The following ZNF514 variants were observed in gnomAD, a reference collection of about 807,000 sequenced individuals.
ZNF514 encodes zinc finger protein 514.
In ZNF514, 12 loss-of-function variants were observed where a neutral mutation model predicts 9.7. The ratio of observed to expected loss-of-function variants is 1.24; its 90% CI spans 0.79 to 2.01. The LOEUF is 2.01. Among genes scored for constraint, ZNF514 ranks in the 30% most tolerant of loss-of-function variants. The pLI, the probability that ZNF514 is intolerant of heterozygous loss-of-function variation, is 0.00. For missense variants in ZNF514, 467 were observed against 465.5 expected (o/e 1.00, Z -0.03); for synonymous variants, 158 against 163.7 (o/e 0.97, Z 0.27).
At chr2:95,129,201 A>G in the ZNF514 span, among the ~76,000 whole-genome samples, 1 of 152,254 alleles carries the variant, frequency 6.6e-6, no homozygotes, top group Admixed American at 6.5e-5. Context: ...CAGTGAAATA[A>G]GCATAATTGG....
At position 95,159,735 on chromosome 2, in the gene ZNF514, GTCCGCCCCGCGCCAGCCCCGCC is replaced by G. The variant is rs1673810742; in HGVS notation, c.-613_-592del. On this transcript the variant is annotated 5_prime_UTR_variant, in exon 1 of 5. Transcript: ENST00000295208. The stretch of plus-strand genomic sequence containing the variant: ...GCGTCCGCCCCGCGCCAGCCCCCGC[GTCCGCCCCGCGCCAGCCCCGCC>G]TCCCGAGGCCGTCCCGAGCTTGCGC... 9 of 119,154 alleles carry G rather than the reference GTCCGCCCCGCGCCAGCCCCGCC, an allele frequency of 7.6e-5. No individual in the cohort carries two copies. Among genetic ancestry groups the G allele is most frequent in the South Asian group, 2.5e-4 (1 of 4,022 alleles). 7.4% of individuals were successfully genotyped at this position (119,154 alleles called of 1,614,324 possible). A position where few individuals can be genotyped will look rare whatever the true frequency, so the allele number is the denominator to read the frequency against.
At chr2:95,136,988 G>A in the ZNF514 span, among the ~76,000 whole-genome samples, 2 of 152,112 alleles carry the variant, frequency 1.3e-5, no homozygotes, top group African/African-American at 4.8e-5. Flanking sequence ...AAAACAAAGA[G>A]TGTTTCCTAA....
At chr2:95,125,297 G>A in the ZNF514 span, among the ~76,000 whole-genome samples, 6 of 147,914 alleles carry the variant, frequency 4.1e-5, no homozygotes, top group Admixed American at 6.8e-5. Context: ...CTGGAGTATA[G>A]TGGCATGATC....
downstream of ZNF514, among the ~76,000 whole-genome samples, chr2:95,141,734 A>G (rs530882097): frequency 2.0e-5 from 3 of 152,360 alleles, no homozygotes; most frequent in East Asian, 3.9e-4. Context: ...TACAGCAGTG[A>G]AACTCCAGGG....
Position 95,146,616 on chromosome 2 carries a change from C to T in ZNF514, c.*2666G>A, listed in dbSNP as rs1039918981. Among the ~76,000 whole-genome samples the T allele has an allele frequency of 6.7e-6, 1 of 149,476 alleles. No individual in the cohort carries two copies. Among genetic ancestry groups the T allele is most frequent in the Non-Finnish European group, 1.5e-5 (1 of 67,572 alleles). Reference sequence around the variant, plus strand: ...TAAAGAGGGCATTATATACCACACACGGGGGGTGAGGATTTATCTTGTAGG... The same window carrying T: ...TAAAGAGGGCATTATATACCACACATGGGGGGTGAGGATTTATCTTGTAGG... On this transcript the variant is annotated 3_prime_UTR_variant, in exon 5 of 5. Coordinates refer to ENST00000295208, the MANE Select transcript of ZNF514 (RefSeq NM_032788.3).
chr2:95,143,392 G>A (rs555973907), downstream of ZNF514, among the ~76,000 whole-genome samples: 135 of 152,230 alleles, frequency 8.9e-4, no homozygotes, highest in Middle Eastern at 6.8e-3. Flanking sequence ...AGGCCGAGGC[G>A]GGTGAATCAC....
In ZNF514 at chr2:95,149,710, G is replaced by T. The variant is rs1194701351; in HGVS notation, c.775C>A (p.Pro259Thr). Residue 259 changes from proline (P) to threonine (T), a missense_variant, in exon 5 of 5, where the codon CCC becomes ACC. Coordinates refer to ENST00000295208, the MANE Select transcript of ZNF514 (RefSeq NM_032788.3). Reference sequence around the variant, plus strand: ...CTCCCACATTCACTGCATTCATAGGGCTTTTCTCCAGTATGAGTTCTTTGA... The same window carrying T: ...CTCCCACATTCACTGCATTCATAGGTCTTTTCTCCAGTATGAGTTCTTTGA... ...KHQRTHTGEKPYECSECGRAF... is the reference protein window; with the variant it reads ...KHQRTHTGEKTYECSECGRAF... 2 of 1,614,222 alleles carry T rather than the reference G, an allele frequency of 1.2e-6. No homozygotes were observed. The highest frequency in any genetic ancestry group is 4.5e-5 in the East Asian group (2 of 44,888).
chr2:95,153,214 C>T lies in ZNF514; in HGVS notation c.40G>A (p.Glu14Lys), dbSNP rs1673592003. Reference protein sequence around the residue: ...EDVAVEFSQWEWGQLNPAQKD... With the variant: ...EDVAVEFSQWKWGQLNPAQKD... The stretch of plus-strand genomic sequence containing the variant: ...TGAGCAGGGTTCAGCTGCCCCCACT[C>T]CCACTGGCTGAATTCCACAGCCACA... Residue 14 changes from glutamate (E) to lysine (K), a missense_variant, in exon 3 of 5, where the codon GAG becomes AAG. Glu to Lys is a moderately conservative substitution (Grantham distance 56, BLOSUM62 1). Coordinates refer to ENST00000295208, the MANE Select transcript of ZNF514 (RefSeq NM_032788.3). The T allele has an allele frequency of 6.2e-7, 1 of 1,614,096 alleles. No homozygotes were observed. Among genetic ancestry groups the T allele is most frequent in the East Asian group, 2.2e-5 (1 of 44,872 alleles).
At chr2:95,141,982 A>G (rs1673247404), downstream of ZNF514, among the ~76,000 whole-genome samples, 1 of 152,116 alleles carries the variant, frequency 6.6e-6, no homozygotes, top group Non-Finnish European at 1.5e-5. Flanking sequence ...CGTCTGTAAA[A>G]ATTCTGTTTT....
At position 95,155,143 on chromosome 2, in the gene ZNF514, C is replaced by A. The variant is rs1228471260; in HGVS notation, c.-6-1884G>T. 3 of 152,178 alleles carry A rather than the reference C, an allele frequency of 2.0e-5. No homozygotes were observed. In the East Asian group the frequency reaches 5.8e-4, roughly 29 times the overall value. The allele number at this position is 152,178 out of a possible 1,614,324, so 9.4% of individuals were successfully genotyped here. A position where few individuals can be genotyped will look rare whatever the true frequency, so the allele number is the denominator to read the frequency against. ...TTGCACTTAAAACAATCCTGGGCCA[C>A]CAACCTACTCCAGCAGGATGAAAAA... On this transcript the variant is annotated intron_variant, in intron 2 of 4. Transcript: ENST00000295208.
downstream of ZNF514, among the ~76,000 whole-genome samples, chr2:95,142,733 C>T (rs1573371099): frequency 6.6e-6 from 1 of 152,166 alleles, no homozygotes; most frequent in Admixed American, 6.5e-5. Flanking sequence ...TCTTCAGGCA[C>T]TCTACTTGAG....
chr2:95,153,049 C>T (rs1327887441), intron 3 of ZNF514, 84 bp downstream of exon 3: 32 of 1,529,278 alleles, frequency 2.1e-5, no homozygotes, highest in Non-Finnish European at 2.8e-5. Flanking sequence ...CAAACTTAGC[C>T]AACCAGCCCA....
rs1284370628 is a variant in ZNF514 at position 95,146,358 on chromosome 2, T to C, written c.*2924A>G. Among the ~76,000 whole-genome samples, 1 of 152,214 alleles carries C rather than the reference T, an allele frequency of 6.6e-6. No individual in the cohort carries two copies. On this transcript the variant is annotated 3_prime_UTR_variant, in exon 5 of 5. Transcript: ENST00000295208. ...ATGTTTATGATTACAAATGGTAAGA[T>C]ATGACTTCATATCAGTTTTCAAGAG...
At chr2:95,140,595 G>A (rs949018168), downstream of ZNF514, among the ~76,000 whole-genome samples, 53 of 151,598 alleles carry the variant, frequency 3.5e-4, no homozygotes, top group African/African-American at 1.5e-4. Context: ...CCCGGTTGAC[G>A]GAGCAAGACT....
chr2:95,142,831 G>C (rs1673278330), downstream of ZNF514, among the ~76,000 whole-genome samples: 2 of 152,172 alleles, frequency 1.3e-5, no homozygotes, highest in Non-Finnish European at 2.9e-5. Context: ...ACTAACTCTG[G>C]CCGAAGTTAT....
the ZNF514 span, among the ~76,000 whole-genome samples, chr2:95,136,205 A>G: frequency 6.6e-6 from 1 of 152,212 alleles, no homozygotes; most frequent in South Asian, 2.1e-4. Flanking sequence ...ACAAGATCAT[A>G]TCACTTGTGA....
Position 95,149,222 on chromosome 2 carries a change from A to G in ZNF514, c.*60T>C. The G allele has an allele frequency of 6.6e-7, 1 of 1,511,128 alleles. No homozygotes were observed. Among genetic ancestry groups the G allele is most frequent in the Non-Finnish European group, 8.8e-7 (1 of 1,131,158 alleles). 93.6% of individuals were successfully genotyped at this position (1,511,128 alleles called of 1,614,324 possible). ...CCTTTAGGATCTCTCTCTGATATGA[A>G]TTCTTTAAGTTCCAGTGATGTCTGC... On this transcript the variant is annotated 3_prime_UTR_variant, in exon 5 of 5. Transcript: ENST00000295208.
the ZNF514 span, among the ~76,000 whole-genome samples, chr2:95,125,079 A>G: frequency 3.4e-5 from 5 of 149,036 alleles, no homozygotes; most frequent in African/African-American, 1.2e-4. Context: ...GCATTTCACC[A>G]TGTTGCCCAG....
intron 4 of ZNF514, 51 bp downstream of exon 4, chr2:95,152,623 C>G (rs753218527): frequency 6.6e-7 from 1 of 1,514,762 alleles, no homozygotes; most frequent in Non-Finnish European, 9.2e-7. Flanking sequence ...TGGGCTACCT[C>G]CCACCCCAGC....
Sources: allele counts gnomAD v4.1 joint callset (sites outside exome capture counted in the v4.1 genomes callset), GRCh38; gene constraint gnomAD v4.1.1; transcripts MANE v1.5; gene names NCBI Gene and HGNC (gene_info 2026-07-23, HGNC 2026-07-21).